Variants in GRIP1 observed in about 807,000 individuals in gnomAD.
GRIP1 encodes the protein glutamate receptor interacting protein 1, also known as glutamate receptor-interacting protein 1.
In GRIP1, 45 loss-of-function variants were observed where a neutral mutation model predicts 129.9. The observed-to-expected ratio is 0.35, with a 90% CI of 0.27 to 0.44. The LOEUF is 0.44. Among genes scored for constraint, GRIP1 ranks in the 20% least tolerant of loss-of-function variants. The probability of loss-of-function intolerance (pLI) is 1.00; values close to 1 mark genes in which losing one functional copy is unlikely to be tolerated. For missense variants in GRIP1, 1,196 were observed against 1,396.8 expected, an observed-to-expected ratio of 0.86 and a Z score of 2.29; for synonymous variants, 530 against 520.8, an observed-to-expected ratio of 1.02 and a Z score of -0.24.
chr12:66,671,231 G>C (rs1015341051), intron 1 of GRIP1, among the ~76,000 whole-genome samples: 4 of 152,158 alleles, frequency 2.6e-5, no homozygotes, highest in African/African-American at 9.7e-5. Flanking sequence ...AGAAAGTCAA[G>C]TTTGATTAAT....
At chr12:66,791,965 A>T (rs2038551189) in intron 1 of GRIP1, among the ~76,000 whole-genome samples, 1 of 152,144 alleles carries the variant, frequency 6.6e-6, no homozygotes, top group African/African-American at 2.4e-5. Context: ...ATGTTCTCAC[A>T]TGTGGGGATG....
At chr12:66,624,004 ATAAT>A (rs1272862559) in intron 1 of GRIP1, among the ~76,000 whole-genome samples, 2 of 152,150 alleles carry the variant, frequency 1.3e-5, no homozygotes, top group African/African-American at 2.4e-5. Context: ...CAGCTCCTTT[ATAAT>A]TAATTCATTC....
chr12:66,976,915 T>C (rs184201581), intron 1 of GRIP1, among the ~76,000 whole-genome samples: 1 of 152,190 alleles, frequency 6.6e-6, no homozygotes, highest in African/African-American at 2.4e-5. Flanking sequence ...AAAACTCACA[T>C]ACACACATCC....
chr12:66,676,583 C>T (rs1337553447), intron 1 of GRIP1, among the ~76,000 whole-genome samples: 1 of 152,090 alleles, frequency 6.6e-6, no homozygotes, highest in Non-Finnish European at 1.5e-5. Flanking sequence ...TTTGAAGTGC[C>T]TACTAAGTGT....
chr12:66,953,278 G>C (rs1024271975), intron 1 of GRIP1, among the ~76,000 whole-genome samples: 1 of 152,170 alleles, frequency 6.6e-6, no homozygotes, highest in Non-Finnish European at 1.5e-5. Flanking sequence ...TGAAGGAAAA[G>C]GATAAGGCAG....
intron 1 of GRIP1, among the ~76,000 whole-genome samples, chr12:66,643,760 C>T (rs117025076): frequency 0.025 from 3,863 of 152,202 alleles, 58 homozygotes; most frequent in Non-Finnish European, 0.035. Context: ...GATAGGTTCT[C>T]ACTATGTTGC....
intron 1 of GRIP1, among the ~76,000 whole-genome samples, chr12:66,846,370 C>T (rs900928047): frequency 6.6e-6 from 1 of 152,188 alleles, no homozygotes; most frequent in Non-Finnish European, 1.5e-5. Flanking sequence ...TTTAGACAAG[C>T]TAGAAATATG....
intron 1 of GRIP1, among the ~76,000 whole-genome samples, chr12:66,981,702 G>A (rs980998239): frequency 6.6e-6 from 1 of 152,122 alleles, no homozygotes; most frequent in South Asian, 2.1e-4. Context: ...TACTTAAAAG[G>A]ATAAACAAAA....
chr12:66,521,101 C>G (rs2138983477), intron 5 of GRIP1, among the ~76,000 whole-genome samples: 1 of 152,332 alleles, frequency 6.6e-6, no homozygotes, highest in South Asian at 2.1e-4. Context: ...GTCTAAACCT[C>G]TCAATGAGTT....
intron 4 of GRIP1, among the ~76,000 whole-genome samples, chr12:66,538,317 A>T (rs2139187397): frequency 1.3e-5 from 2 of 151,796 alleles, no homozygotes; most frequent in East Asian, 3.9e-4. Flanking sequence ...CTTCTGCCTC[A>T]GCCTCCCAAG....
At chr12:66,526,061 A>G (rs1300902775) in intron 5 of GRIP1, among the ~76,000 whole-genome samples, 2 of 152,152 alleles carry the variant, frequency 1.3e-5, no homozygotes, top group Non-Finnish European at 1.5e-5. Context: ...AACATTCCAT[A>G]CTCATCGATA....
intron 2 of GRIP1, among the ~76,000 whole-genome samples, chr12:66,579,734 C>T (rs2063296172): frequency 6.6e-6 from 1 of 151,974 alleles, no homozygotes; most frequent in African/African-American, 2.4e-5. Context: ...ACAAACAAAG[C>T]CTCCAAGAAA....
intron 3 of GRIP1, among the ~76,000 whole-genome samples, chr12:66,540,187 C>A (rs1163972219): frequency 6.6e-6 from 1 of 152,114 alleles, no homozygotes; most frequent in Non-Finnish European, 1.5e-5. Flanking sequence ...ATTTTTACTC[C>A]CAAATGTTTC....
intron 1 of GRIP1, among the ~76,000 whole-genome samples, chr12:66,830,831 A>ATT (rs113993317): frequency 5.1e-3 from 704 of 139,036 alleles, no homozygotes; most frequent in Non-Finnish European, 8.1e-3. Flanking sequence ...TGGTATCTGA[A>ATT]TTTTTTTTTT....
intron 1 of GRIP1, among the ~76,000 whole-genome samples, chr12:66,727,567 G>T (rs1280380604): frequency 3.3e-5 from 5 of 152,308 alleles, no homozygotes; most frequent in Admixed American, 2.0e-4. Flanking sequence ...GGAGGCTGTT[G>T]TAAGTGCTGA....
At chr12:66,535,295 G>A (rs2061574239) in intron 4 of GRIP1, among the ~76,000 whole-genome samples, 1 of 151,728 alleles carries the variant, frequency 6.6e-6, no homozygotes, top group Non-Finnish European at 1.5e-5. Flanking sequence ...TAGATAACTG[G>A]TTTCTCTTAT....
chr12:66,707,520 A>AC (rs1433259737), intron 1 of GRIP1, among the ~76,000 whole-genome samples: 2 of 151,328 alleles, frequency 1.3e-5, no homozygotes, highest in African/African-American at 4.9e-5. Flanking sequence ...AAAAAAAAAA[A>AC]AAAAAAAGAT....
At position 66,356,573 on chromosome 12, in the gene GRIP1, G is replaced by C. The variant is rs987618841; in HGVS notation, c.3013-3010C>G. ...TGGTGAAAATTTCATACATATTCTAGAGTAGAGAGGTTGGAACACCCATCT... is the reference window on the plus strand; with the variant it reads ...TGGTGAAAATTTCATACATATTCTACAGTAGAGAGGTTGGAACACCCATCT... On this transcript the variant is annotated intron_variant, in intron 23 of 24. Coordinates refer to ENST00000359742, the MANE Select transcript of GRIP1 (RefSeq NM_001366722.1). Among the ~76,000 whole-genome samples the C allele has an allele frequency of 3.3e-5, 5 of 152,074 alleles. No individual in the cohort carries two copies. In the East Asian group the frequency reaches 9.7e-4, roughly 29 times the overall value.
intron 1 of GRIP1, among the ~76,000 whole-genome samples, chr12:67,039,383 A>G (rs1053940558): frequency 6.6e-6 from 1 of 152,218 alleles, no homozygotes; most frequent in Non-Finnish European, 1.5e-5. Context: ...TGACTCTTCC[A>G]TTAAAAGTAT....
Sources: allele counts gnomAD v4.1 joint callset (sites outside exome capture counted in the v4.1 genomes callset), GRCh38; gene constraint gnomAD v4.1.1; transcripts MANE v1.5; gene names NCBI Gene and HGNC (gene_info 2026-07-23, HGNC 2026-07-21).